SVEP1: variants seen among roughly 807,000 people sequenced by gnomAD.
SVEP1 encodes sushi, von Willebrand factor type A, EGF and pentraxin domain-containing protein 1.
A neutral mutation model predicts 367.3 loss-of-function variants in SVEP1; 164 were observed. The ratio of observed to expected loss-of-function variants is 0.45; its 90% CI spans 0.39 to 0.51. SVEP1 has a LOEUF of 0.51. Among genes scored for constraint, SVEP1 ranks in the 20% least tolerant of loss-of-function variants. The pLI is 0.00. For synonymous variants in SVEP1, 1,666 were observed against 1,611.6 expected, an observed-to-expected ratio of 1.03 and a Z score of -0.81; for missense variants, 4,117 against 4,425.3, an observed-to-expected ratio of 0.93 and a Z score of 1.98.
chr9:110,390,254 T>C (rs1426898501), intron 40 of SVEP1, among the ~76,000 whole-genome samples: 1 of 124,766 alleles, frequency 8.0e-6, no homozygotes, highest in Non-Finnish European at 1.7e-5. Flanking sequence ...TATATACTTA[T>C]ATAAGTATGT....
At chr9:110,506,880 G>A (rs1425814332) in intron 5 of SVEP1, among the ~76,000 whole-genome samples, 1 of 152,080 alleles carries the variant, frequency 6.6e-6, no homozygotes, top group African/African-American at 2.4e-5. Context: ...GAAGAGCAGG[G>A]TGAGGGGAAG....
At chr9:110,469,238 G>T in intron 16 of SVEP1, 137 bp from the exon 17 acceptor site, 2 of 788,498 alleles carry the variant, frequency 2.5e-6, no homozygotes, top group Non-Finnish European at 3.8e-6. Flanking sequence ...ATGGCCAGAG[G>T]CTTATTCACA....
chr9:110,436,493 A>G lies in SVEP1; in HGVS notation c.4651T>C (p.Leu1551=), dbSNP rs1046889950. Residue 1551 remains leucine (L), a synonymous_variant, in exon 28 of 48, where the codon TTA becomes CTA. Coordinates refer to ENST00000374469, the MANE Select transcript of SVEP1 (RefSeq NM_153366.4). Reference sequence around the variant, plus strand: ...TTGTCTTGCTCTTGCCCCAGAACTAACGCACCACCACCTAAGGAGAGAGAA... The same window carrying G: ...TTGTCTTGCTCTTGCCCCAGAACTAGCGCACCACCACCTAAGGAGAGAGAA... The part of the protein sequence containing the change: ...VGLPIPGGGA[L]VLGQEQDKKG... 3 of 1,613,630 alleles carry G rather than the reference A, an allele frequency of 1.9e-6. No individual in the cohort carries two copies. In the African/African-American group the frequency reaches 4.0e-5, roughly 22 times the overall value.
At chr9:110,506,986 G>A (rs528830582) in intron 5 of SVEP1, among the ~76,000 whole-genome samples, 5 of 152,236 alleles carry the variant, frequency 3.3e-5, no homozygotes, top group African/African-American at 1.2e-4. Flanking sequence ...CATGGAAAAT[G>A]CACTCTCAGT....
intron 14 of SVEP1, among the ~76,000 whole-genome samples, chr9:110,473,956 A>C (rs1485606502): frequency 6.6e-6 from 1 of 152,152 alleles, no homozygotes; most frequent in East Asian, 1.9e-4. Context: ...TGGGTATTAT[A>C]ATTCTTGTTT....
At chr9:110,461,254 A>G (rs1828853399) in intron 18 of SVEP1, among the ~76,000 whole-genome samples, 1 of 151,962 alleles carries the variant, frequency 6.6e-6, no homozygotes, top group Admixed American at 6.6e-5. Context: ...TCATGACTTA[A>G]CTCTTTGGTT....
At chr9:110,536,793 C>G (rs1300594801) in intron 3 of SVEP1, among the ~76,000 whole-genome samples, 8 of 151,962 alleles carry the variant, frequency 5.3e-5, no homozygotes, top group Admixed American at 4.6e-4. Context: ...GTGTGCTGCA[C>G]CCATTAACTC....
At chr9:110,488,607 A>G (rs57064282) in intron 9 of SVEP1, among the ~76,000 whole-genome samples, 4,291 of 152,102 alleles carry the variant, frequency 0.028, 194 homozygotes, top group African/African-American at 0.098. Context: ...CACACCTATA[A>G]TCCCAGCATT....
At chr9:110,468,913 T>C in intron 17 of SVEP1, 27 bp downstream of exon 17, 1 of 1,513,980 alleles carries the variant, frequency 6.6e-7, no homozygotes. Flanking sequence ...GGGCTGCTTC[T>C]AGTTGAAATG....
At chr9:110,416,521 T>A (rs769802506) in intron 36 of SVEP1, among the ~76,000 whole-genome samples, 5 of 151,008 alleles carry the variant, frequency 3.3e-5, no homozygotes, top group Non-Finnish European at 5.9e-5. Flanking sequence ...AAAAATAGAA[T>A]GAAAAGGCCC....
intron 26 of SVEP1, among the ~76,000 whole-genome samples, chr9:110,445,487 C>T (rs1339421387): frequency 6.6e-6 from 1 of 152,152 alleles, no homozygotes; most frequent in Non-Finnish European, 1.5e-5. Flanking sequence ...TGAGACTTAG[C>T]CCTGCTACTC....
intron 43 of SVEP1, among the ~76,000 whole-genome samples, chr9:110,380,922 G>A (rs1827424274): frequency 1.3e-5 from 2 of 152,062 alleles, no homozygotes; most frequent in Non-Finnish European, 2.9e-5. Flanking sequence ...TCTTGGAAGG[G>A]TATATCTGTC....
chr9:110,418,988 C>T (rs1345222930), intron 36 of SVEP1, among the ~76,000 whole-genome samples: 7 of 25,646 alleles, frequency 2.7e-4, no homozygotes, highest in Admixed American at 9.6e-4. Context: ...AAAGGAACAA[C>T]CGGTACCAGC....
intron 46 of SVEP1, among the ~76,000 whole-genome samples, 199 bp from the exon 47 acceptor site, chr9:110,370,215 A>T (rs998011746): frequency 1.3e-5 from 2 of 151,838 alleles, no homozygotes; most frequent in African/African-American, 4.8e-5. Context: ...TTTCCTTCCA[A>T]GCTGGTCAAT....
chr9:110,554,863 T>G (rs1830336969), intron 1 of SVEP1, among the ~76,000 whole-genome samples: 1 of 152,156 alleles, frequency 6.6e-6, no homozygotes, highest in African/African-American at 2.4e-5. Flanking sequence ...CACACACATT[T>G]TTGTTGTTGT....
At chr9:110,525,497 C>T (rs748205760) in intron 3 of SVEP1, among the ~76,000 whole-genome samples, 3 of 152,038 alleles carry the variant, frequency 2.0e-5, no homozygotes, top group Non-Finnish European at 2.9e-5. Flanking sequence ...TTAATTCTTC[C>T]ATCATTAATA....
intron 39 of SVEP1, among the ~76,000 whole-genome samples, chr9:110,401,995 G>A (rs1040311092): frequency 2.0e-5 from 3 of 151,920 alleles, no homozygotes; most frequent in East Asian, 1.9e-4. Flanking sequence ...CATTTTCCTA[G>A]TATATACATT....
intron 17 of SVEP1, among the ~76,000 whole-genome samples, chr9:110,467,190 C>G (rs1299358731): frequency 6.6e-6 from 1 of 152,140 alleles, no homozygotes; most frequent in African/African-American, 2.4e-5. Flanking sequence ...TGAGAGAAAA[C>G]GTTTCCATCA....
chr9:110,403,309 T>TTG (rs1827896509), intron 39 of SVEP1, among the ~76,000 whole-genome samples: 1 of 132,024 alleles, frequency 7.6e-6, no homozygotes, highest in Admixed American at 7.7e-5. Context: ...TTTTTTTTTT[T>TTG]TTTTTTTTTT....
Sources: gnomAD v4.1 joint callset for allele counts (sites outside exome capture counted in the v4.1 genomes callset) on GRCh38, gnomAD v4.1.1 for gene constraint, MANE v1.5 for transcripts, NCBI Gene and HGNC (gene_info 2026-07-23, HGNC 2026-07-21) for gene names.